THRB: variants seen among roughly 807,000 people sequenced by gnomAD.
THRB encodes thyroid hormone receptor beta, also known as nuclear receptor subfamily 1 group A member 2.
In THRB, 12 loss-of-function variants were observed where a neutral mutation model predicts 47.8. The ratio of observed to expected loss-of-function variants is 0.25; its 90% CI spans 0.16 to 0.41. The LOEUF (loss-of-function observed/expected upper bound fraction) is 0.41, where lower values mean the gene tolerates loss of function less well. Among genes scored for constraint, THRB ranks in the 10% least tolerant of loss-of-function variants. The pLI is 1.00. For synonymous variants in THRB, 218 were observed against 212.2 expected, an observed-to-expected ratio of 1.03 and a Z score of -0.24; for missense variants, 348 against 589.2, an observed-to-expected ratio of 0.59 and a Z score of 4.24.
intron 5 of THRB, among the ~76,000 whole-genome samples, chr3:24,187,174 A>C (rs1051770785): frequency 6.6e-6 from 1 of 152,002 alleles, no homozygotes; most frequent in African/African-American, 2.4e-5. Flanking sequence ...GACAATCCCC[A>C]ACTAACTGTC....
intron 1 of THRB, among the ~76,000 whole-genome samples, chr3:24,374,074 A>C (rs956528353): frequency 2.0e-5 from 3 of 152,114 alleles, no homozygotes; most frequent in African/African-American, 7.2e-5. Flanking sequence ...AACTCCATTA[A>C]ATTTAATTCA....
chr3:24,275,682 G>T (rs1234478447), intron 3 of THRB, among the ~76,000 whole-genome samples: 2 of 152,114 alleles, frequency 1.3e-5, no homozygotes, highest in East Asian at 3.8e-4. Flanking sequence ...ATCCAACTCT[G>T]GTTTTTGCCG....
At chr3:24,486,420 A>T (rs1340597738) in intron 1 of THRB, 1 of 152,210 alleles carries the variant, frequency 6.6e-6, no homozygotes. Context: ...GGCACTTGGC[A>T]GATGTCCCAT....
intron 2 of THRB, among the ~76,000 whole-genome samples, chr3:24,326,268 T>C (rs2061586594): frequency 6.6e-6 from 1 of 152,244 alleles, no homozygotes; most frequent in African/African-American, 2.4e-5. Context: ...TGAAGTCCCA[T>C]TCTGTTGCCC....
intron 1 of THRB, among the ~76,000 whole-genome samples, chr3:24,341,679 T>C (rs73823302): frequency 0.021 from 3,192 of 152,288 alleles, 138 homozygotes; most frequent in African/African-American, 0.073. Flanking sequence ...TTTTTGATTG[T>C]GTTTTTGGCC....
At chr3:24,339,091 C>G (rs572366086) in intron 1 of THRB, among the ~76,000 whole-genome samples, 1 of 152,078 alleles carries the variant, frequency 6.6e-6, no homozygotes, top group African/African-American at 2.4e-5. Context: ...TACATATACA[C>G]CATTACCCCT....
At chr3:24,452,596 C>T (rs62228825) in intron 1 of THRB, among the ~76,000 whole-genome samples, 5,914 of 152,134 alleles carry the variant, frequency 0.039, 165 homozygotes, top group South Asian at 0.061. Flanking sequence ...GAGAAACATG[C>T]TTCCTTCCAC....
At chr3:24,293,849 C>T (rs778349845) in intron 3 of THRB, among the ~76,000 whole-genome samples, 1 of 152,170 alleles carries the variant, frequency 6.6e-6, no homozygotes. Flanking sequence ...TAATTACCCA[C>T]CCTACTCAGA....
intron 3 of THRB, among the ~76,000 whole-genome samples, chr3:24,238,439 G>A (rs893921217): frequency 6.6e-6 from 1 of 151,938 alleles, no homozygotes; most frequent in African/African-American, 2.4e-5. Flanking sequence ...ACACATGCAT[G>A]AAAAACAACA....
chr3:24,182,887 T>G lies in THRB; in HGVS notation c.283+7187A>C, dbSNP rs1043231606. Among the ~76,000 whole-genome samples the G allele has an allele frequency of 2.6e-5, 4 of 152,340 alleles. No homozygotes were observed. In the East Asian group the frequency reaches 7.7e-4, roughly 29 times the overall value. On this transcript the variant is annotated intron_variant, in intron 5 of 10. Transcript: ENST00000646209. ...TACCTGACAGTAGAGCAGTATTTCC[T>G]CTGCAGTTTCAAATTCTTTCCTTTG...
chr3:24,447,110 A>G (rs544195807), intron 1 of THRB, among the ~76,000 whole-genome samples: 1 of 152,360 alleles, frequency 6.6e-6, no homozygotes, highest in South Asian at 2.1e-4. Flanking sequence ...ATATATTTTA[A>G]TTATAAAATT....
intron 8 of THRB, among the ~76,000 whole-genome samples, chr3:24,135,525 A>G (rs1387633513): frequency 6.6e-6 from 1 of 152,100 alleles, no homozygotes; most frequent in East Asian, 1.9e-4. Flanking sequence ...AAGCCCAGGG[A>G]AGGCCACTGT....
chr3:24,289,151 G>A (rs569873252), intron 3 of THRB, among the ~76,000 whole-genome samples: 12 of 152,276 alleles, frequency 7.9e-5, no homozygotes, highest in Admixed American at 2.0e-4. Context: ...GTGGACAGAC[G>A]AGGGCTTCAT....
At chr3:24,220,612 G>T (rs1324169219) in intron 4 of THRB, among the ~76,000 whole-genome samples, 6 of 152,178 alleles carry the variant, frequency 3.9e-5, no homozygotes, top group African/African-American at 4.8e-5. Context: ...GGAAACTGAA[G>T]TTGTTCTAGA....
At position 24,190,257 on chromosome 3, in the gene THRB, C is replaced by T. The variant is rs771428244; in HGVS notation, c.100G>A (p.Glu34Lys). The T allele has an allele frequency of 6.2e-7, 1 of 1,614,096 alleles. No individual in the cohort carries two copies. The highest frequency in any genetic ancestry group is 1.7e-5 in the Admixed American group (1 of 60,018). Residue 34 changes from glutamate (E) to lysine (K), a missense_variant, in exon 5 of 11, where the codon GAA becomes AAA. Around this residue, in one of 5 missense-constraint regions of THRB, gnomAD observed 148 missense variants for 122.3 expected, o/e 1.21. Coordinates refer to ENST00000646209, the MANE Select transcript of THRB (RefSeq NM_001354712.2). ...TGGCTCTTCCTATGTAGGCAGGCTTCAGACATTCCTACTAGCTTCCAGTCG... is the reference window on the plus strand; with the variant it reads ...TGGCTCTTCCTATGTAGGCAGGCTTTAGACATTCCTACTAGCTTCCAGTCG... ...EHDWKLVGMS[E>K]ACLHRKSHSE... is the part of the protein sequence containing the mutation.
At chr3:24,126,873 T>C (rs2032926421) in intron 10 of THRB, among the ~76,000 whole-genome samples, 1 of 152,164 alleles carries the variant, frequency 6.6e-6, no homozygotes, top group Admixed American at 6.5e-5. Flanking sequence ...CCTCATGGGA[T>C]CTGCAACTTC....
intron 1 of THRB, among the ~76,000 whole-genome samples, chr3:24,384,012 C>T (rs111269114): frequency 2.0e-5 from 3 of 152,062 alleles, no homozygotes; most frequent in Non-Finnish European, 2.9e-5. Context: ...TTCTTGGTCT[C>T]GATTTCTACT....
At chr3:24,145,965 G>A (rs1386095688) in intron 7 of THRB, among the ~76,000 whole-genome samples, 1 of 152,164 alleles carries the variant, frequency 6.6e-6, no homozygotes, top group African/African-American at 2.4e-5. Context: ...TTATTTTTAT[G>A]ATTAGATTAA....
At chr3:24,230,010 G>A (rs76732363) in intron 3 of THRB, among the ~76,000 whole-genome samples, 6,799 of 152,262 alleles carry the variant, frequency 0.045, 220 homozygotes, top group South Asian at 0.17. Context: ...TATTTCTGAG[G>A]TTTGAAGATG....
Sources: allele counts gnomAD v4.1 joint callset (sites outside exome capture counted in the v4.1 genomes callset), GRCh38; gene constraint gnomAD v4.1.1; regional missense constraint gnomAD v4.1.1; transcripts MANE v1.5; gene names NCBI Gene and HGNC (gene_info 2026-07-23, HGNC 2026-07-21).